The following EPB41L3 variants were observed in gnomAD, a reference collection of about 807,000 sequenced individuals.
EPB41L3 encodes the protein band 4.1-like protein 3.
A neutral mutation model predicts 127.1 loss-of-function variants in EPB41L3; 57 were observed. That is an observed-to-expected ratio of 0.45 (90% CI 0.36 to 0.56). The LOEUF is 0.56. EPB41L3 is among the 20% of genes least tolerant of loss of function. EPB41L3 has a pLI of 0.00. For missense variants in EPB41L3, 1,273 were observed against 1,372.2 expected (o/e 0.93, Z 1.14); for synonymous variants, 572 against 549.5 (o/e 1.04, Z -0.57).
chr18:5,412,635 A>G (rs949738278), intron 13 of EPB41L3, among the ~76,000 whole-genome samples: 5 of 152,216 alleles, frequency 3.3e-5, no homozygotes, highest in African/African-American at 1.2e-4. Flanking sequence ...TTTAAAATTT[A>G]CTTCAGTAAC....
chr18:5,439,197 C>G (rs141211463), intron 5 of EPB41L3, among the ~76,000 whole-genome samples: 233 of 152,140 alleles, frequency 1.5e-3, no homozygotes, highest in African/African-American at 5.4e-3. Context: ...AGGCTTCCAC[C>G]CTGGAGGTCT....
chr18:5,616,660 C>T (rs1444971608), intron 1 of EPB41L3, among the ~76,000 whole-genome samples: 1 of 152,146 alleles, frequency 6.6e-6, no homozygotes, highest in East Asian at 1.9e-4. Flanking sequence ...GTTGCCTCTA[C>T]TCTGCAGTCC....
chr18:5,427,131 A>T (rs1350306090), intron 9 of EPB41L3, among the ~76,000 whole-genome samples: 3 of 152,104 alleles, frequency 2.0e-5, no homozygotes, highest in Non-Finnish European at 4.4e-5. Context: ...GGCCTCCCAA[A>T]GTTCTGGGAT....
intron 3 of EPB41L3, among the ~76,000 whole-genome samples, chr18:5,454,212 T>TTG (rs1472678630): frequency 6.7e-6 from 1 of 149,852 alleles, no homozygotes; most frequent in Admixed American, 6.6e-5. Flanking sequence ...TTTCCTTGTT[T>TTG]TTTTTTTTTT....
intron 16 of EPB41L3, among the ~76,000 whole-genome samples, chr18:5,404,102 G>A (rs1473117548): frequency 1.3e-5 from 2 of 152,148 alleles, no homozygotes; most frequent in African/African-American, 2.4e-5. Flanking sequence ...ATGAGGTCCT[G>A]GAGAAGAGTA....
intron 1 of EPB41L3, among the ~76,000 whole-genome samples, chr18:5,622,657 C>A (rs2094876757): frequency 6.6e-6 from 1 of 152,144 alleles, no homozygotes; most frequent in African/African-American, 2.4e-5. Context: ...TTCAAAGAGA[C>A]AACTATTTTA....
chr18:5,489,230 G>A (rs781033176), intron 1 of EPB41L3, 36 bp from the exon 2 acceptor site: 30 of 1,563,506 alleles, frequency 1.9e-5, no homozygotes, highest in Admixed American at 2.1e-5. Context: ...AGGTCACTCC[G>A]TGCCACTACC....
intron 3 of EPB41L3, among the ~76,000 whole-genome samples, chr18:5,606,179 T>C (rs925407906): frequency 1.3e-5 from 2 of 152,158 alleles, no homozygotes; most frequent in Admixed American, 6.5e-5. Context: ...CCATGCAACA[T>C]ATACTTCCAG....
At chr18:5,520,261 C>T (rs1317624346) in intron 1 of EPB41L3, among the ~76,000 whole-genome samples, 1 of 152,132 alleles carries the variant, frequency 6.6e-6, no homozygotes, top group Non-Finnish European at 1.5e-5. Context: ...AATCAAGCTG[C>T]CTGCTTCATT....
At chr18:5,396,891 T>C (rs1235961349) in intron 18 of EPB41L3, among the ~76,000 whole-genome samples, 167 bp downstream of exon 18, 2 of 152,152 alleles carry the variant, frequency 1.3e-5, no homozygotes, top group African/African-American at 4.8e-5. Flanking sequence ...TGGAAATCAG[T>C]GTGGAGACTC....
chr18:5,484,099 A>C (rs1050839893), intron 2 of EPB41L3, among the ~76,000 whole-genome samples: 13 of 135,354 alleles, frequency 9.6e-5, no homozygotes, highest in Non-Finnish European at 1.7e-4. Flanking sequence ...AAAAAAAAAA[A>C]AAAAAAAAAA....
intron 8 of EPB41L3, among the ~76,000 whole-genome samples, chr18:5,431,873 A>C (rs1203648638): frequency 6.6e-6 from 1 of 152,192 alleles, no homozygotes; most frequent in African/African-American, 2.4e-5. Flanking sequence ...TATAATAGAA[A>C]ACATCTTTGT....
intron 1 of EPB41L3, among the ~76,000 whole-genome samples, chr18:5,506,275 C>T (rs1412411196): frequency 6.6e-6 from 1 of 152,110 alleles, no homozygotes; most frequent in Non-Finnish European, 1.5e-5. Context: ...TCCAATGACT[C>T]TGCATTTCCC....
chr18:5,516,366 G>A (rs901053317), intron 1 of EPB41L3, among the ~76,000 whole-genome samples: 1 of 152,216 alleles, frequency 6.6e-6, no homozygotes, highest in African/African-American at 2.4e-5. Flanking sequence ...CCAGTGAGAG[G>A]ATTTCTTAAC....
At chr18:5,456,850 C>T (rs1247284916) in intron 3 of EPB41L3, among the ~76,000 whole-genome samples, 1 of 152,228 alleles carries the variant, frequency 6.6e-6, no homozygotes, top group African/African-American at 2.4e-5. Flanking sequence ...CTGCTGAACC[C>T]TGCTAAGAAG....
intron 3 of EPB41L3, among the ~76,000 whole-genome samples, chr18:5,582,951 G>C (rs1302159772): frequency 6.6e-6 from 1 of 152,178 alleles, no homozygotes; most frequent in African/African-American, 2.4e-5. Context: ...CACAGCAGGG[G>C]CTGGGGAAAC....
At position 5,423,670 on chromosome 18, in the gene EPB41L3, C is replaced by A; in HGVS notation, c.1164-117G>T. The A allele has an allele frequency of 2.2e-6, 2 of 894,546 alleles. 1 individual carries two copies. 55.4% of individuals were successfully genotyped at this position (894,546 alleles called of 1,614,324 possible). A position where few individuals can be genotyped will look rare whatever the true frequency, so the allele number is the denominator to read the frequency against. On this transcript the variant is annotated intron_variant, in intron 10 of 22. Coordinates refer to ENST00000341928, the MANE Select transcript of EPB41L3 (RefSeq NM_012307.5). Reference sequence around the variant, plus strand: ...TGCATGCTAAACATTTAACGCACAACTTGCAGTTAAATAAATCTGATTTCA... The same window carrying A: ...TGCATGCTAAACATTTAACGCACAAATTGCAGTTAAATAAATCTGATTTCA...
intron 11 of EPB41L3, among the ~76,000 whole-genome samples, chr18:5,423,026 A>G (rs2077673671): frequency 6.6e-6 from 1 of 152,198 alleles, no homozygotes; most frequent in African/African-American, 2.4e-5. Context: ...AAACCTACCA[A>G]TCCTTTAAGA....
chr18:5,586,998 T>C (rs908987989), intron 3 of EPB41L3, among the ~76,000 whole-genome samples: 1 of 152,180 alleles, frequency 6.6e-6, no homozygotes, highest in African/African-American at 2.4e-5. Flanking sequence ...TAAAAGATCC[T>C]GAGTAATTAT....
Sources: allele counts gnomAD v4.1 joint callset (sites outside exome capture counted in the v4.1 genomes callset), GRCh38; gene constraint gnomAD v4.1.1; transcripts MANE v1.5; gene names NCBI Gene and HGNC (gene_info 2026-07-23, HGNC 2026-07-21).